The following ARHGAP22 variants were observed in gnomAD, a reference collection of about 807,000 sequenced individuals.
The protein encoded by ARHGAP22 is Rho GTPase activating protein 22, also known as rho GTPase-activating protein 22.
Under a neutral mutation model 59.1 loss-of-function variants are expected in ARHGAP22, and 48 were observed. That is an observed-to-expected ratio of 0.81 (90% CI 0.64 to 1.03). The LOEUF (loss-of-function observed/expected upper bound fraction) is 1.03. Ranked by LOEUF, ARHGAP22 falls within the 50% of genes least tolerant of loss-of-function variation. The pLI, the probability that ARHGAP22 is intolerant of heterozygous loss-of-function variation, is 0.00. For synonymous variants in ARHGAP22, 445 were observed against 416.4 expected (o/e 1.07, Z -0.84); for missense variants, 1,015 against 958.7 (o/e 1.06, Z -0.78).
Position 48,589,117 on chromosome 10 carries a change from C to T in ARHGAP22, c.35-5965G>A, listed in dbSNP as rs954858401. ...ATACCTGCCTCTCCTTCCTCACCCC[C>T]CAGTCCCCACCAACTCCTTGCATTT... On this transcript the variant is annotated intron_variant, in intron 1 of 9. Coordinates refer to ENST00000249601, the MANE Select transcript of ARHGAP22 (RefSeq NM_021226.4). Among the ~76,000 whole-genome samples the T allele has an allele frequency of 3.3e-5, 5 of 152,180 alleles. No homozygotes were observed. The South Asian group carries it at 6.2e-4, about 19-fold the overall frequency.
chr10:48,439,420 T>C, the ARHGAP22 span: 2 of 151,896 alleles, frequency 1.3e-5, no homozygotes, highest in African/African-American at 2.4e-5. Context: ...TTGGCAATTT[T>C]AGGATTGTCC....
chr10:48,430,862 T>A, the ARHGAP22 span: 1 of 324,914 alleles, frequency 3.1e-6, no homozygotes, highest in Non-Finnish European at 5.7e-6. Flanking sequence ...CAGATGGTAG[T>A]ACAGAATGGT....
At chr10:48,497,820 A>T (rs574668591) in intron 3 of ARHGAP22, among the ~76,000 whole-genome samples, 14 of 152,270 alleles carry the variant, frequency 9.2e-5, no homozygotes, top group African/African-American at 3.4e-4. Flanking sequence ...ACTCTGCTCC[A>T]TCCCCCAGGG....
the ARHGAP22 span, chr10:48,431,413 T>C: frequency 1.6e-6 from 1 of 607,656 alleles, no homozygotes; most frequent in Non-Finnish European, 2.9e-6. Flanking sequence ...TACAGTTTTG[T>C]TTTTTCTACT....
intron 1 of ARHGAP22, among the ~76,000 whole-genome samples, chr10:48,588,780 A>C (rs2059581211): frequency 6.6e-6 from 1 of 152,202 alleles, no homozygotes; most frequent in African/African-American, 2.4e-5. Context: ...GGGGAAGTAA[A>C]TCACAACCAC....
chr10:48,454,224 C>T (rs777900706), intron 6 of ARHGAP22, 63 bp from the exon 7 acceptor site: 82 of 1,389,660 alleles, frequency 5.9e-5, no homozygotes, highest in Non-Finnish European at 7.7e-5. Context: ...TCTCTGACTG[C>T]GAGGAGGGGT....
At chr10:48,628,999 G>T (rs1013995235) in intron 1 of ARHGAP22, among the ~76,000 whole-genome samples, 2 of 152,154 alleles carry the variant, frequency 1.3e-5, no homozygotes, top group Non-Finnish European at 2.9e-5. Context: ...TGCAGGGAAA[G>T]GTGCATTCAC....
At chr10:48,510,034 C>T (rs1044090338) in intron 3 of ARHGAP22, among the ~76,000 whole-genome samples, 1 of 152,128 alleles carries the variant, frequency 6.6e-6, no homozygotes, top group African/African-American at 2.4e-5. Flanking sequence ...ATAGCTTCAC[C>T]AGCCACATCT....
At chr10:48,627,288 T>C (rs527470942) in intron 1 of ARHGAP22, among the ~76,000 whole-genome samples, 7 of 152,356 alleles carry the variant, frequency 4.6e-5, no homozygotes, top group African/African-American at 1.4e-4. Flanking sequence ...TATTAATGCA[T>C]AGCCAAGTAG....
Position 48,446,564 on chromosome 10 carries a change from G to C in ARHGAP22, c.1924C>G (p.Leu642Val). ...ATGTATTTTTTCTTTTCCTGGTCCA[G>C]TTCTTCTTCTAACCGGGACATTCGT... Reference protein sequence around the residue: ...RKRMSRLEEELDQEKKKYIML... With the variant: ...RKRMSRLEEEVDQEKKKYIML... Residue 642 changes from leucine (L) to valine (V), a missense_variant, in exon 10 of 10, where the codon CTG becomes GTG. Leu to Val is a conservative substitution (Grantham distance 32). Transcript: ENST00000249601. The C allele has an allele frequency of 6.2e-7, 1 of 1,614,144 alleles. No individual in the cohort carries two copies.
At chr10:48,501,496 G>A (rs543814101) in intron 3 of ARHGAP22, among the ~76,000 whole-genome samples, 1 of 152,360 alleles carries the variant, frequency 6.6e-6, no homozygotes, top group Admixed American at 6.5e-5. Flanking sequence ...GCATACACCT[G>A]ATGGGGATGG....
intron 1 of ARHGAP22, among the ~76,000 whole-genome samples, chr10:48,645,856 G>A (rs569431605): frequency 6.6e-6 from 1 of 152,170 alleles, no homozygotes; most frequent in East Asian, 1.9e-4. Context: ...GGGAAGGAGG[G>A]GAAGAGAGGC....
chr10:48,459,766 G>C lies in ARHGAP22; in HGVS notation c.577C>G (p.Leu193Val), dbSNP rs763835180. Reference protein sequence around the residue: ...IRERGLTEEGLFRMPGQANLV... With the variant: ...IRERGLTEEGVFRMPGQANLV... ...TTGGCCTGGCCTGGCATGCGGAACA[G>C]CCCCTCCTCAGTGAGCCCGCGCTCC... Residue 193 changes from leucine to valine, a missense_variant, in exon 5 of 10, where the codon CTG (leucine) becomes GTG (valine). Leu to Val is a conservative substitution (Grantham distance 32, BLOSUM62 1). Coordinates refer to ENST00000249601, the MANE Select transcript of ARHGAP22 (RefSeq NM_021226.4). The C allele has an allele frequency of 6.2e-7, 1 of 1,613,920 alleles. No homozygotes were observed. Among genetic ancestry groups the C allele is most frequent in the Non-Finnish European group, 8.5e-7 (1 of 1,180,050 alleles).
chr10:48,554,637 C>T (rs2057161060), intron 3 of ARHGAP22, among the ~76,000 whole-genome samples: 4 of 152,112 alleles, frequency 2.6e-5, no homozygotes, highest in African/African-American at 9.7e-5. Context: ...GTCGGTTACT[C>T]CCCAGAAAGC....
intron 1 of ARHGAP22, among the ~76,000 whole-genome samples, chr10:48,593,538 G>A (rs2059891404): frequency 2.0e-5 from 3 of 152,230 alleles, no homozygotes; most frequent in Non-Finnish European, 4.4e-5. Context: ...AAGGGTTACT[G>A]GAAGACAAAC....
At chr10:48,545,968 A>G (rs1162463504) in intron 3 of ARHGAP22, among the ~76,000 whole-genome samples, 1 of 152,224 alleles carries the variant, frequency 6.6e-6, no homozygotes, top group Non-Finnish European at 1.5e-5. Context: ...GATTCAGAGA[A>G]GGGAAGAAAT....
At chr10:48,597,283 A>C (rs2060125197) in intron 1 of ARHGAP22, among the ~76,000 whole-genome samples, 1 of 152,064 alleles carries the variant, frequency 6.6e-6, no homozygotes, top group South Asian at 2.1e-4. Flanking sequence ...GTTGGAAGAA[A>C]TCTGCCAACA....
chr10:48,638,285 T>G (rs1263537014), intron 1 of ARHGAP22, among the ~76,000 whole-genome samples: 1 of 152,172 alleles, frequency 6.6e-6, no homozygotes, highest in African/African-American at 2.4e-5. Flanking sequence ...CATACATTGC[T>G]GCTGATCAGT....
intron 1 of ARHGAP22, among the ~76,000 whole-genome samples, chr10:48,613,807 A>G (rs28414616): frequency 0.022 from 3,414 of 152,338 alleles, 142 homozygotes; most frequent in African/African-American, 0.078. Context: ...TCCAAAACTC[A>G]TGCTGAAATT....
Sources: gnomAD v4.1 joint callset for allele counts (sites outside exome capture counted in the v4.1 genomes callset) on GRCh38, gnomAD v4.1.1 for gene constraint, MANE v1.5 for transcripts, NCBI Gene and HGNC (gene_info 2026-07-23, HGNC 2026-07-21) for gene names.